The following PRELID2 variants were observed in gnomAD, a reference collection of about 807,000 sequenced individuals.
PRELID2 encodes the protein PRELI domain containing 2, also known as PRELI domain-containing protein 2.
In PRELID2, 25 loss-of-function variants were observed where a neutral mutation model predicts 28.4. That is an observed-to-expected ratio of 0.88 (90% CI 0.64 to 1.23). The LOEUF is 1.23. Ranked by LOEUF, PRELID2 falls within the 50% of genes most tolerant of loss-of-function variation. The pLI is 0.00. For missense variants in PRELID2, 201 were observed against 214.4 expected (o/e 0.94, Z 0.39); for synonymous variants, 76 against 71.6 (o/e 1.06, Z -0.31).
chr5:145,229,847 G>C, the PRELID2 span: 4 of 758,182 alleles, frequency 5.3e-6, no homozygotes, highest in South Asian at 1.3e-5. Flanking sequence ...CCCAGGAGCC[G>C]GCAGAAGGGA....
chr5:145,812,001 TCAGAGGGAGATGA>T (rs1753978986), intron 4 of PRELID2, among the ~76,000 whole-genome samples: 1 of 152,156 alleles, frequency 6.6e-6, no homozygotes, highest in Non-Finnish European at 1.5e-5. Context: ...CCCATGTGCT[TCAGAGGGAGATGA>T]CCTCATCCCC....
chr5:145,441,983 A>G, the PRELID2 span, among the ~76,000 whole-genome samples: 4 of 152,110 alleles, frequency 2.6e-5, no homozygotes, highest in Non-Finnish European at 5.9e-5. Flanking sequence ...TTCATAGGAG[A>G]TGGCATTGCC....
chr5:145,355,672 A>C, the PRELID2 span, among the ~76,000 whole-genome samples: 1 of 152,178 alleles, frequency 6.6e-6, no homozygotes. Context: ...TGAGTTCAGC[A>C]TAAAGGCAGA....
chr5:145,603,026 T>G (rs573232844), intron 1 of PRELID2, among the ~76,000 whole-genome samples: 4 of 152,156 alleles, frequency 2.6e-5, no homozygotes, highest in African/African-American at 9.6e-5. Flanking sequence ...CACTCCAGCC[T>G]GGGTGACAAG....
At chr5:145,445,800 T>C in the PRELID2 span, among the ~76,000 whole-genome samples, 1 of 151,178 alleles carries the variant, frequency 6.6e-6, no homozygotes, top group African/African-American at 2.4e-5. Flanking sequence ...GAAATGTAAA[T>C]CAAAACCACT....
At chr5:145,834,073 C>G (rs1385835533) in intron 1 of PRELID2, among the ~76,000 whole-genome samples, 2 of 152,184 alleles carry the variant, frequency 1.3e-5, no homozygotes, top group South Asian at 4.1e-4. Context: ...TAGAAACAGT[C>G]TTTGGGATTC....
chr5:145,680,732 C>G (rs1754916284), intron 1 of PRELID2, among the ~76,000 whole-genome samples: 1 of 152,068 alleles, frequency 6.6e-6, no homozygotes, highest in African/African-American at 2.4e-5. Context: ...ATAATAAATT[C>G]CCTTTTATTT....
At chr5:145,243,137 A>G in the PRELID2 span, among the ~76,000 whole-genome samples, 12 of 152,086 alleles carry the variant, frequency 7.9e-5, no homozygotes, top group Non-Finnish European at 4.4e-5. Context: ...GTAGGAACTC[A>G]GAGTAAGAAC....
At chr5:145,431,015 T>G in the PRELID2 span, among the ~76,000 whole-genome samples, 2 of 142,784 alleles carry the variant, frequency 1.4e-5, no homozygotes, top group African/African-American at 5.5e-5. Context: ...GGTTTTTTTT[T>G]TTTTTTTTTT....
chr5:145,381,656 C>T, the PRELID2 span: 1 of 152,434 alleles, frequency 6.6e-6, no homozygotes, highest in South Asian at 2.1e-4. Context: ...GAGTCTTCCA[C>T]TGAAACTCAA....
At chr5:145,521,011 G>T (rs1435323872) in intron 1 of PRELID2, among the ~76,000 whole-genome samples, 4 of 152,074 alleles carry the variant, frequency 2.6e-5, no homozygotes, top group African/African-American at 9.7e-5. Flanking sequence ...TATCCCAAGG[G>T]ACATAATTAG....
chr5:145,501,563 G>C (rs537585453), intron 1 of PRELID2, among the ~76,000 whole-genome samples: 1 of 152,174 alleles, frequency 6.6e-6, no homozygotes, highest in South Asian at 2.1e-4. Context: ...TTTTATAAGG[G>C]GAAACCCCTT....
At position 145,657,741 on chromosome 5, in the gene PRELID2, G is replaced by A. The variant is rs118144829; in HGVS notation, n.70+107190C>T. Among the ~76,000 whole-genome samples, 78 of 152,214 alleles carry A rather than the reference G, an allele frequency of 5.1e-4. No homozygotes were observed. The East Asian group carries it at 0.013, about 25-fold the overall frequency. ...CCTTAAGTGCTAACGAATACATCAG[G>A]CACAAACTCTGGACTCCTCAAATGT... On this transcript the variant is annotated intron_variant and non_coding_transcript_variant, in intron 1 of 2. Coordinates refer to the PRELID2 transcript ENST00000510259.
At chr5:145,610,602 T>C (rs1211615003) in intron 1 of PRELID2, among the ~76,000 whole-genome samples, 1 of 152,214 alleles carries the variant, frequency 6.6e-6, no homozygotes, top group Non-Finnish European at 1.5e-5. Context: ...TATTTTGTCT[T>C]CTTGTTATGC....
chr5:145,643,548 T>A (rs776961069), intron 1 of PRELID2, among the ~76,000 whole-genome samples: 1 of 152,228 alleles, frequency 6.6e-6, no homozygotes. Context: ...TCCAATAATA[T>A]GTTCAATAGG....
In PRELID2 at chr5:145,615,794, T is replaced by C. The variant is rs142832612; in HGVS notation, n.71-142479A>G. Among the ~76,000 whole-genome samples the C allele has an allele frequency of 2.1e-3, 320 of 152,336 alleles. 2 individuals are homozygous for C. Among genetic ancestry groups the C allele is most frequent in the African/African-American group, 7.4e-3 (308 of 41,586 alleles). On this transcript the variant is annotated intron_variant and non_coding_transcript_variant, in intron 1 of 2. Transcript: ENST00000510259. ...TTGCTGTCTGTGTACATTGTTTTAA[T>C]CTTTTTGCTTTTTAAATTTCATTTT...
chr5:145,520,954 C>G (rs182322569), intron 1 of PRELID2, among the ~76,000 whole-genome samples: 2 of 152,242 alleles, frequency 1.3e-5, no homozygotes, highest in East Asian at 3.9e-4. Flanking sequence ...TTTGCATTAA[C>G]GTGTTCCCAT....
intron 5 of PRELID2, among the ~76,000 whole-genome samples, chr5:145,781,566 A>G (rs1474326899): frequency 6.7e-6 from 1 of 149,512 alleles, no homozygotes; most frequent in African/African-American, 2.4e-5. Context: ...ATATTTTTAT[A>G]TATGTATGTG....
chr5:145,604,890 T>C (rs1046117451), intron 1 of PRELID2, among the ~76,000 whole-genome samples: 11 of 142,544 alleles, frequency 7.7e-5, no homozygotes, highest in African/African-American at 2.7e-4. Context: ...GCCATATATA[T>C]ATATATATAT....
Sources: gnomAD v4.1 joint callset for allele counts (sites outside exome capture counted in the v4.1 genomes callset) on GRCh38, gnomAD v4.1.1 for gene constraint, MANE v1.5 for transcripts, NCBI Gene and HGNC (gene_info 2026-07-23, HGNC 2026-07-21) for gene names.